MIGA1: variants seen among roughly 807,000 people sequenced by gnomAD.
MIGA1 encodes the protein family with sequence similarity 73, member A.
MIGA1 carries 58 observed loss-of-function variants against 82.0 expected under a neutral mutation model. The observed-to-expected ratio is 0.71, with a 90% CI of 0.57 to 0.88. The LOEUF is 0.88. Among genes scored for constraint, MIGA1 ranks in the 40% least tolerant of loss-of-function variants. The pLI is 0.00. For synonymous variants in MIGA1, 249 were observed against 253.6 expected (o/e 0.98, Z 0.17); for missense variants, 751 against 749.1 (o/e 1.00, Z -0.03).
intron 5 of MIGA1, chr1:77,811,861 C>G: frequency 6.8e-7 from 1 of 1,461,064 alleles, no homozygotes; most frequent in Non-Finnish European, 9.0e-7. Context: ...CCGGCCTGGC[C>G]CCGACATTAA....
At chr1:77,795,331 T>C (rs1260010350) in intron 2 of MIGA1, among the ~76,000 whole-genome samples, 3 of 151,794 alleles carry the variant, frequency 2.0e-5, no homozygotes, top group African/African-American at 4.8e-5. Flanking sequence ...ATTTATTATT[T>C]GGAATATTTT....
At chr1:77,790,588 CTT>C (rs749368070) in intron 2 of MIGA1, among the ~76,000 whole-genome samples, 18 of 139,768 alleles carry the variant, frequency 1.3e-4, no homozygotes, top group African/African-American at 1.6e-4. Context: ...TGCACCATTC[CTT>C]TTTTTTTTTT....
At chr1:77,838,547 A>G (rs1014699057) in intron 7 of MIGA1, among the ~76,000 whole-genome samples, 5 of 152,092 alleles carry the variant, frequency 3.3e-5, no homozygotes, top group African/African-American at 1.2e-4. Flanking sequence ...TCCTGGGTTC[A>G]AGCAATTCTT....
chr1:77,824,012 A>G (rs1227560221), intron 7 of MIGA1, among the ~76,000 whole-genome samples: 1 of 152,224 alleles, frequency 6.6e-6, no homozygotes, highest in Non-Finnish European at 1.5e-5. Flanking sequence ...GTTAAATTTT[A>G]AATCTATTTT....
At chr1:77,790,517 CG>C (rs1292166750) in intron 2 of MIGA1, among the ~76,000 whole-genome samples, 3 of 151,922 alleles carry the variant, frequency 2.0e-5, no homozygotes, top group Admixed American at 2.0e-4. Context: ...CTGCCCGCCT[CG>C]GCCTCCCAAA....
rs115999630 is a variant in MIGA1 at position 77,866,263 on chromosome 1, A to G, written c.1510-75A>G. ...TGTATTGAACGTTTTAGACCCATAA[A>G]CTTTGAATTTCTAATAAAAATGGAA... On this transcript the variant is annotated intron_variant, in intron 13 of 15. Coordinates refer to ENST00000370791, the MANE Select transcript of MIGA1 (RefSeq NM_198549.4). The G allele has an allele frequency of 7.0e-4, 993 of 1,408,866 alleles. 3 individuals are homozygous for G. The African/African-American group carries it at 0.013, about 18-fold the overall frequency. The allele number at this position is 1,408,866 out of a possible 1,614,324, so 87.3% of individuals were successfully genotyped here.
chr1:77,840,468 G>A (rs1684586269), intron 7 of MIGA1, among the ~76,000 whole-genome samples: 3 of 152,088 alleles, frequency 2.0e-5, no homozygotes, highest in Non-Finnish European at 4.4e-5. Flanking sequence ...TCTGAAAATA[G>A]CAAAAGCCAT....
chr1:77,865,380 C>T (rs1685624837), intron 13 of MIGA1, among the ~76,000 whole-genome samples: 1 of 152,056 alleles, frequency 6.6e-6, no homozygotes, highest in African/African-American at 2.4e-5. Context: ...TACTTGAGCT[C>T]AGGAGTTTGA....
At chr1:77,835,327 A>G (rs1570976414) in intron 7 of MIGA1, among the ~76,000 whole-genome samples, 1 of 152,224 alleles carries the variant, frequency 6.6e-6, no homozygotes, top group Non-Finnish European at 1.5e-5. Flanking sequence ...TGTGGTGTTA[A>G]TGTACTTCCA....
At chr1:77,872,870 G>A in intron 14 of MIGA1, 134 bp from the exon 15 acceptor site, 1 of 1,056,662 alleles carries the variant, frequency 9.5e-7, no homozygotes, top group South Asian at 1.3e-5. Flanking sequence ...GGTGTTGCTA[G>A]ACTCTGGTTC....
At chr1:77,845,224 G>C (rs1056456243) in intron 8 of MIGA1, among the ~76,000 whole-genome samples, 2 of 152,012 alleles carry the variant, frequency 1.3e-5, no homozygotes, top group Non-Finnish European at 2.9e-5. Context: ...CCACTTATAA[G>C]TTTGCAGTAG....
intron 14 of MIGA1, among the ~76,000 whole-genome samples, chr1:77,866,759 C>T (rs1176701485): frequency 6.7e-6 from 1 of 149,792 alleles, no homozygotes; most frequent in Non-Finnish European, 1.5e-5. Flanking sequence ...TCCTGGCTCA[C>T]TGCAATCTTT....
In MIGA1 at chr1:77,835,387, G is replaced by A. The variant is rs373466327; in HGVS notation, c.896-7920G>A. On this transcript the variant is annotated intron_variant, in intron 7 of 15. Coordinates refer to ENST00000370791, the MANE Select transcript of MIGA1 (RefSeq NM_198549.4). ...GTACAGTGAATGCTTTAAAAGTTCT[G>A]GGTGATTGAGACAGTTTAAATTTTT... Among the ~76,000 whole-genome samples, 6 of 152,046 alleles carry A rather than the reference G, an allele frequency of 3.9e-5. No individual in the cohort carries two copies. The East Asian group carries it at 5.8e-4, about 15-fold the overall frequency.
chr1:77,819,608 G>A (rs893292486), intron 7 of MIGA1, among the ~76,000 whole-genome samples: 1 of 145,752 alleles, frequency 6.9e-6, no homozygotes, highest in Admixed American at 6.8e-5. Flanking sequence ...TTGAGAGAGA[G>A]GGTCTGGCTG....
At chr1:77,803,451 G>C (rs973965567) in intron 4 of MIGA1, 45 bp downstream of exon 4, 1 of 943,042 alleles carries the variant, frequency 1.1e-6, no homozygotes, top group African/African-American at 1.7e-5. Flanking sequence ...TTGTTTATAT[G>C]TCTTCTGTGA....
At chr1:77,853,975 T>C (rs1685152943) in intron 8 of MIGA1, 5 of 204,170 alleles carry the variant, frequency 2.4e-5, no homozygotes, top group Non-Finnish European at 3.0e-5. Context: ...TGTGAGACTT[T>C]GGTGCACCTA....
chr1:77,813,783 CT>C lies in MIGA1; in HGVS notation c.690del (p.Arg231AlafsTer26). The C allele has an allele frequency of 6.2e-7, 1 of 1,614,160 alleles. No individual in the cohort carries two copies. The highest frequency in any genetic ancestry group is 8.5e-7 in the Non-Finnish European group (1 of 1,180,002). ...TGCGTCGATGGGAACAAGCTCTGAC[CT>C]TTCGCAATAGACAGGCTGAAGATGA... On this transcript the variant is annotated frameshift_variant, in exon 6 of 16. Coordinates refer to ENST00000370791, the MANE Select transcript of MIGA1 (RefSeq NM_198549.4). LOFTEE classifies it high-confidence loss of function.
chr1:77,820,416 TG>T (rs1683757398), intron 7 of MIGA1, among the ~76,000 whole-genome samples: 2 of 152,204 alleles, frequency 1.3e-5, no homozygotes, highest in Non-Finnish European at 2.9e-5. Context: ...TCCATTTATC[TG>T]TGTGATTATA....
intron 7 of MIGA1, among the ~76,000 whole-genome samples, chr1:77,826,692 C>T (rs1684038323): frequency 6.6e-6 from 1 of 152,144 alleles, no homozygotes; most frequent in Non-Finnish European, 1.5e-5. Flanking sequence ...CCAGGCTGGT[C>T]TCGAGCTCCT....
Sources: gnomAD v4.1 joint callset for allele counts (sites outside exome capture counted in the v4.1 genomes callset) on GRCh38, gnomAD v4.1.1 for gene constraint, MANE v1.5 for transcripts, NCBI Gene and HGNC (gene_info 2026-07-23, HGNC 2026-07-21) for gene names.